The following PDE4D variants were observed in gnomAD, a reference collection of about 807,000 sequenced individuals.
The protein encoded by PDE4D is 3',5'-cyclic-AMP phosphodiesterase 4D.
A neutral mutation model predicts 87.4 loss-of-function variants in PDE4D; 24 were observed. That is an observed-to-expected ratio of 0.27 (90% CI 0.20 to 0.39). PDE4D has a LOEUF of 0.39. Ranked by LOEUF, PDE4D falls within the 10% of genes least tolerant of loss-of-function variation. The pLI, the probability that PDE4D is intolerant of heterozygous loss-of-function variation, is 1.00. For missense variants in PDE4D, 714 were observed against 1,041.0 expected (o/e 0.69, Z 4.32); for synonymous variants, 384 against 383.2 (o/e 1.00, Z -0.02).
intron 3 of PDE4D, among the ~76,000 whole-genome samples, chr5:59,960,567 G>T (rs763464242): frequency 1.3e-5 from 2 of 152,152 alleles, no homozygotes; most frequent in Non-Finnish European, 2.9e-5. Flanking sequence ...CATGGATGCA[G>T]CCATAAGCCA....
chr5:59,093,911 C>T (rs992571171), intron 5 of PDE4D, among the ~76,000 whole-genome samples: 28 of 151,992 alleles, frequency 1.8e-4, no homozygotes, highest in African/African-American at 6.8e-4. Flanking sequence ...GACATAAGAA[C>T]ATATACCATT....
intron 1 of PDE4D, among the ~76,000 whole-genome samples, chr5:60,298,751 C>T (rs1373157256): frequency 1.3e-5 from 2 of 152,156 alleles, no homozygotes; most frequent in South Asian, 2.1e-4. Flanking sequence ...TGATTAACAT[C>T]CATTATCTGA....
At chr5:59,644,756 G>A (rs575806775) in intron 1 of PDE4D, among the ~76,000 whole-genome samples, 15 of 152,022 alleles carry the variant, frequency 9.9e-5, no homozygotes, top group East Asian at 3.9e-4. Context: ...TCAGCTTCTC[G>A]AGGACTATGC....
At chr5:60,048,134 T>G (rs1266453100) in intron 2 of PDE4D, among the ~76,000 whole-genome samples, 4 of 152,046 alleles carry the variant, frequency 2.6e-5, no homozygotes, top group Non-Finnish European at 5.9e-5. Context: ...CTTCTTTGTC[T>G]CTTTTGATCT....
chr5:59,698,062 G>A (rs1325004674), intron 1 of PDE4D, among the ~76,000 whole-genome samples: 2 of 152,084 alleles, frequency 1.3e-5, no homozygotes, highest in Non-Finnish European at 2.9e-5. Flanking sequence ...AGTTTAATAT[G>A]GCAAATGTTA....
intron 11 of PDE4D, among the ~76,000 whole-genome samples, chr5:58,981,947 C>T (rs1745262468): frequency 6.6e-6 from 1 of 152,152 alleles, no homozygotes; most frequent in South Asian, 2.1e-4. Flanking sequence ...GGATCAGTCA[C>T]CCCAGTCAAC....
chr5:60,330,945 C>A (rs1757264966), intron 1 of PDE4D, among the ~76,000 whole-genome samples: 1 of 152,086 alleles, frequency 6.6e-6, no homozygotes, highest in Non-Finnish European at 1.5e-5. Context: ...ACATGAAATT[C>A]CTCACCTACA....
intron 1 of PDE4D, chr5:59,217,280 C>T (rs1751465711): frequency 2.2e-6 from 1 of 455,666 alleles, no homozygotes; most frequent in Non-Finnish European, 4.4e-6. Context: ...AATAAATAAA[C>T]ATGTGAATTC....
At chr5:59,828,785 T>C (rs1221672009) in intron 1 of PDE4D, among the ~76,000 whole-genome samples, 1 of 152,000 alleles carries the variant, frequency 6.6e-6, no homozygotes, top group East Asian at 1.9e-4. Flanking sequence ...GAACACTGCA[T>C]CTCATGAGCC....
intron 1 of PDE4D, among the ~76,000 whole-genome samples, chr5:59,532,645 A>T (rs1814453284): frequency 6.6e-6 from 1 of 152,200 alleles, no homozygotes; most frequent in Non-Finnish European, 1.5e-5. Context: ...TAGTATCCTT[A>T]CCTAAAAATT....
At chr5:59,247,111 C>G (rs557314582) in intron 1 of PDE4D, among the ~76,000 whole-genome samples, 1 of 152,268 alleles carries the variant, frequency 6.6e-6, no homozygotes, top group South Asian at 2.1e-4. Context: ...CTCATTTTAT[C>G]TCAACAGGAA....
intron 5 of PDE4D, among the ~76,000 whole-genome samples, chr5:59,114,955 G>A (rs902234430): frequency 6.6e-6 from 1 of 152,052 alleles, no homozygotes; most frequent in South Asian, 2.1e-4. Flanking sequence ...ATAGAGATAT[G>A]TGGTAATAAC....
chr5:60,242,373 G>A (rs1747226608), intron 1 of PDE4D, among the ~76,000 whole-genome samples: 1 of 152,076 alleles, frequency 6.6e-6, no homozygotes, highest in Non-Finnish European at 1.5e-5. Context: ...GAAAATAACA[G>A]CTGGAGAGTT....
At chr5:60,378,827 T>A (rs1160890572) in intron 1 of PDE4D, among the ~76,000 whole-genome samples, 1 of 151,104 alleles carries the variant, frequency 6.6e-6, no homozygotes, top group Admixed American at 6.6e-5. Context: ...CACTCCAGCC[T>A]GGGCGACAGA....
chr5:60,473,487 G>A (rs923559691), intron 1 of PDE4D, among the ~76,000 whole-genome samples: 27 of 152,304 alleles, frequency 1.8e-4, no homozygotes, highest in South Asian at 4.1e-4. Context: ...ACAAGAGAAT[G>A]ATAAAGTAAA....
intron 3 of PDE4D, among the ~76,000 whole-genome samples, chr5:59,979,826 A>AT (rs1021957590): frequency 3.3e-5 from 5 of 151,578 alleles, no homozygotes; most frequent in East Asian, 1.9e-4. Flanking sequence ...AGTACCTAGA[A>AT]TTTTTTTTTG....
chr5:59,605,319 T>A (rs998259201), intron 1 of PDE4D, among the ~76,000 whole-genome samples: 2 of 152,062 alleles, frequency 1.3e-5, no homozygotes, highest in African/African-American at 4.8e-5. Flanking sequence ...AATTGAGTTT[T>A]ATCAACTTTC....
intron 1 of PDE4D, among the ~76,000 whole-genome samples, chr5:59,851,661 A>C (rs954199698): frequency 6.6e-6 from 1 of 152,096 alleles, no homozygotes; most frequent in African/African-American, 2.4e-5. Flanking sequence ...TAATCATATA[A>C]AACCTTTAAA....
rs1018201939 is a variant in PDE4D, at chr5:59,400,439, T to A, written c.456-184471A>T. 7.0e-3 allele frequency among the ~76,000 whole-genome samples: 1,030 copies of A among 147,566 alleles called. 16 individuals are homozygous for A. The highest frequency in any genetic ancestry group is 0.024 in the African/African-American group (935 of 39,040). ...TGAGTTCATGTCCTTTGTAGGGACA[T>A]GGATGAAATTGGAAATCATCATTCT... On this transcript the variant is annotated intron_variant, in intron 1 of 14. Transcript: ENST00000340635.
Sources: allele counts gnomAD v4.1 joint callset (sites outside exome capture counted in the v4.1 genomes callset), GRCh38; gene constraint gnomAD v4.1.1; transcripts MANE v1.5; gene names NCBI Gene and HGNC (gene_info 2026-07-23, HGNC 2026-07-21).